NPAS3: variants seen among roughly 807,000 people sequenced by gnomAD.
The protein encoded by NPAS3 is neuronal PAS domain protein 3.
In NPAS3, 14 loss-of-function variants were observed where a neutral mutation model predicts 73.1. That is an observed-to-expected ratio of 0.19 (90% CI 0.13 to 0.30). The LOEUF (loss-of-function observed/expected upper bound fraction) is 0.30. NPAS3 is among the 10% of genes least tolerant of loss of function. The pLI is 1.00. For synonymous variants in NPAS3, 620 were observed against 541.5 expected, an observed-to-expected ratio of 1.14 and a Z score of -2.01; for missense variants, 1,096 against 1,250.0, an observed-to-expected ratio of 0.88 and a Z score of 1.86.
chr14:32,968,913 CT>C (rs2037305415), intron 1 of NPAS3, among the ~76,000 whole-genome samples: 1 of 152,098 alleles, frequency 6.6e-6, no homozygotes, highest in Admixed American at 6.6e-5. Flanking sequence ...CATCCACTAG[CT>C]ATTCTTCCTG....
intron 5 of NPAS3, among the ~76,000 whole-genome samples, chr14:33,674,160 G>C (rs1567114529): frequency 1.3e-5 from 2 of 152,126 alleles, no homozygotes; most frequent in African/African-American, 4.8e-5. Context: ...ATCAGGATGT[G>C]GAGAGAGTGG....
intron 2 of NPAS3, among the ~76,000 whole-genome samples, chr14:33,158,662 T>G (rs2044736338): frequency 6.6e-6 from 1 of 152,032 alleles, no homozygotes; most frequent in African/African-American, 2.4e-5. Flanking sequence ...ATGAGAACAG[T>G]ACATAACAAA....
chr14:33,223,879 C>T (rs891655312), intron 3 of NPAS3, among the ~76,000 whole-genome samples: 8 of 151,620 alleles, frequency 5.3e-5, no homozygotes, highest in Non-Finnish European at 1.0e-4. Context: ...AATATTTGAG[C>T]ATGTGTAATC....
chr14:33,311,484 G>T (rs1158106902), intron 3 of NPAS3, among the ~76,000 whole-genome samples: 1 of 152,054 alleles, frequency 6.6e-6, no homozygotes, highest in Non-Finnish European at 1.5e-5. Context: ...ATGCCATGGT[G>T]CAATAGGTTT....
At chr14:33,079,604 C>A (rs2041795770) in intron 2 of NPAS3, among the ~76,000 whole-genome samples, 1 of 124,034 alleles carries the variant, frequency 8.1e-6, no homozygotes, top group Non-Finnish European at 1.6e-5. Flanking sequence ...AGGCATGAGC[C>A]AGGCCTTTTT....
At chr14:33,675,932 G>A (rs980670950) in intron 5 of NPAS3, among the ~76,000 whole-genome samples, 11 of 151,524 alleles carry the variant, frequency 7.3e-5, no homozygotes, top group Admixed American at 1.3e-4. Context: ...AGGCAGACTC[G>A]TCCACATTTC....
intron 1 of NPAS3, among the ~76,000 whole-genome samples, chr14:33,025,378 CA>C (rs1349070618): frequency 6.6e-6 from 1 of 152,146 alleles, no homozygotes; most frequent in Admixed American, 6.5e-5. Context: ...CATAACACAC[CA>C]AGCATGAAGC....
chr14:33,061,303 A>G (rs1953448), intron 2 of NPAS3, among the ~76,000 whole-genome samples: 52,033 of 152,092 alleles, frequency 0.34, 9,245 homozygotes, highest in East Asian at 0.5. Flanking sequence ...CACCTGCACA[A>G]TAGAACAACT....
At chr14:33,279,111 G>A (rs1429729197) in intron 3 of NPAS3, among the ~76,000 whole-genome samples, 2 of 152,142 alleles carry the variant, frequency 1.3e-5, no homozygotes, top group Non-Finnish European at 2.9e-5. Flanking sequence ...CCCACCCTCA[G>A]GGTTGCTGAT....
intron 4 of NPAS3, among the ~76,000 whole-genome samples, chr14:33,452,877 G>A (rs895676152): frequency 1.3e-5 from 2 of 149,580 alleles, no homozygotes; most frequent in Non-Finnish European, 3.0e-5. Flanking sequence ...TAAAAATTAA[G>A]TATATGTATT....
chr14:33,443,259 C>CT (rs1346424242), intron 4 of NPAS3, among the ~76,000 whole-genome samples: 2 of 151,520 alleles, frequency 1.3e-5, no homozygotes, highest in Non-Finnish European at 2.9e-5. Flanking sequence ...GACTATATAT[C>CT]TAGAAACTCT....
intron 3 of NPAS3, among the ~76,000 whole-genome samples, chr14:33,233,305 A>G (rs907020436): frequency 1.3e-5 from 2 of 152,180 alleles, no homozygotes; most frequent in African/African-American, 4.8e-5. Context: ...GGCCTTTAGC[A>G]TAGCTATAGA....
At chr14:33,040,755 C>T (rs1464299924) in intron 1 of NPAS3, among the ~76,000 whole-genome samples, 2 of 152,184 alleles carry the variant, frequency 1.3e-5, no homozygotes, top group African/African-American at 4.8e-5. Context: ...TGTCACTTTG[C>T]TTTTCTTACA....
chr14:33,170,802 A>G (rs895902075), intron 2 of NPAS3, among the ~76,000 whole-genome samples: 1 of 152,144 alleles, frequency 6.6e-6, no homozygotes, highest in African/African-American at 2.4e-5. Context: ...GTTCATTTCC[A>G]TACATCTGCA....
At chr14:33,067,885 T>G (rs1256648320) in intron 2 of NPAS3, among the ~76,000 whole-genome samples, 1 of 152,224 alleles carries the variant, frequency 6.6e-6, no homozygotes, top group East Asian at 1.9e-4. Context: ...TCAGTCTCAT[T>G]CTTGACATTA....
intron 2 of NPAS3, among the ~76,000 whole-genome samples, chr14:33,210,051 C>A (rs1413596016): frequency 6.6e-6 from 1 of 152,152 alleles, no homozygotes. Context: ...TCTGTGGCTA[C>A]CTATTTTTAA....
chr14:33,426,639 G>A (rs2048566472), intron 4 of NPAS3, among the ~76,000 whole-genome samples: 1 of 151,986 alleles, frequency 6.6e-6, no homozygotes, highest in African/African-American at 2.4e-5. Flanking sequence ...GAACCAAGGA[G>A]TTAGTGCTGA....
chr14:33,363,983 T>A (rs1243259880), intron 3 of NPAS3, among the ~76,000 whole-genome samples: 1 of 151,708 alleles, frequency 6.6e-6, no homozygotes, highest in Non-Finnish European at 1.5e-5. Context: ...TTTGTTAGTG[T>A]TCTTTAAATT....
intron 4 of NPAS3, among the ~76,000 whole-genome samples, chr14:33,421,261 A>G (rs1447362155): frequency 1.3e-5 from 2 of 151,894 alleles, no homozygotes; most frequent in East Asian, 1.9e-4. Context: ...TTATGATCCC[A>G]GTATAGGACC....
Sources: gnomAD v4.1 joint callset for allele counts (sites outside exome capture counted in the v4.1 genomes callset) on GRCh38, gnomAD v4.1.1 for gene constraint, MANE v1.5 for transcripts, NCBI Gene and HGNC (gene_info 2026-07-23, HGNC 2026-07-21) for gene names.